The following GALNT13 variants were observed in gnomAD, a reference collection of about 807,000 sequenced individuals.
The protein encoded by GALNT13 is polypeptide N-acetylgalactosaminyltransferase 13, also known as UDP-GalNAc:polypeptide N-acetylgalactosaminyltransferase 13.
A neutral mutation model predicts 64.2 loss-of-function variants in GALNT13; 28 were observed. That is an observed-to-expected ratio of 0.44 (90% CI 0.32 to 0.60). GALNT13 has a LOEUF of 0.60. Ranked by LOEUF, GALNT13 falls within the 20% of genes least tolerant of loss-of-function variation. The pLI, the probability that GALNT13 is intolerant of heterozygous loss-of-function variation, is 0.05. For missense variants in GALNT13, 577 were observed against 669.8 expected, an observed-to-expected ratio of 0.86 and a Z score of 1.53; for synonymous variants, 214 against 224.6, an observed-to-expected ratio of 0.95 and a Z score of 0.42.
the GALNT13 span, among the ~76,000 whole-genome samples, chr2:153,598,239 C>G: frequency 6.6e-6 from 1 of 152,080 alleles, no homozygotes; most frequent in Non-Finnish European, 1.5e-5. Context: ...TTTCTCCAGT[C>G]CCATCTCCTA....
intron 9 of GALNT13, among the ~76,000 whole-genome samples, chr2:154,319,816 G>C (rs1694526413): frequency 6.6e-6 from 1 of 151,954 alleles, no homozygotes; most frequent in South Asian, 2.1e-4. Flanking sequence ...TTTTCATTCA[G>C]TAACATATTT....
the GALNT13 span, among the ~76,000 whole-genome samples, chr2:153,248,246 G>A: frequency 6.6e-6 from 1 of 152,024 alleles, no homozygotes; most frequent in Admixed American, 6.6e-5. Flanking sequence ...AAAACATGGT[G>A]GAGACAGAAC....
intron 4 of GALNT13, among the ~76,000 whole-genome samples, chr2:154,159,742 T>C (rs756744955): frequency 2.0e-5 from 3 of 152,054 alleles, no homozygotes; most frequent in Non-Finnish European, 2.9e-5. Flanking sequence ...AAATTGAAAA[T>C]AGTCTAATGT....
the GALNT13 span, among the ~76,000 whole-genome samples, chr2:153,340,880 C>T: frequency 2.6e-5 from 4 of 152,156 alleles, no homozygotes; most frequent in Admixed American, 2.6e-4. Flanking sequence ...TGATAGAGAA[C>T]ACTGGATCTC....
chr2:153,583,630 C>T, the GALNT13 span, among the ~76,000 whole-genome samples: 1 of 152,082 alleles, frequency 6.6e-6, no homozygotes, highest in African/African-American at 2.4e-5. Flanking sequence ...ATTCACCCTC[C>T]CAAGCTCTCA....
At chr2:153,230,165 C>T in the GALNT13 span, among the ~76,000 whole-genome samples, 29 of 152,174 alleles carry the variant, frequency 1.9e-4, no homozygotes, top group African/African-American at 7.0e-4. Flanking sequence ...ATTTATTCCT[C>T]TGTGCGGAAG....
intron 7 of GALNT13, among the ~76,000 whole-genome samples, chr2:154,253,032 T>C (rs1472958930): frequency 6.6e-6 from 1 of 152,198 alleles, no homozygotes; most frequent in Non-Finnish European, 1.5e-5. Context: ...CAGAGATGTT[T>C]CTCCTTTTTT....
chr2:154,063,968 A>G lies in GALNT13; in HGVS notation c.143-76369A>G, dbSNP rs60056063. Among the ~76,000 whole-genome samples the G allele has an allele frequency of 6.4e-3, 974 of 152,314 alleles. 11 individuals carry two copies. Among genetic ancestry groups the G allele is most frequent in the African/African-American group, 0.022 (914 of 41,568 alleles). ...CTGATATTAACTTCATGCCATTGAA[A>G]GAGGCACAGAAGAGGGTAGGAAAGA... On this transcript the variant is annotated intron_variant, in intron 3 of 12. Coordinates refer to ENST00000392825, the MANE Select transcript of GALNT13 (RefSeq NM_052917.4).
At chr2:154,393,561 T>G (rs539444801) in intron 9 of GALNT13, among the ~76,000 whole-genome samples, 38 of 152,282 alleles carry the variant, frequency 2.5e-4, no homozygotes, top group Non-Finnish European at 1.3e-4. Context: ...CTCACCAAAA[T>G]GTTAAGATAG....
At chr2:153,071,196 C>T in the GALNT13 span, among the ~76,000 whole-genome samples, 7 of 152,132 alleles carry the variant, frequency 4.6e-5, no homozygotes, top group Non-Finnish European at 1.0e-4. Context: ...AGAGAGACTA[C>T]TTTAAAATTT....
chr2:153,963,838 T>G (rs966647267), intron 3 of GALNT13, among the ~76,000 whole-genome samples: 11 of 151,780 alleles, frequency 7.2e-5, no homozygotes, highest in Admixed American at 1.3e-4. Context: ...TTTTTAAAAT[T>G]GGATTGCCTG....
intron 4 of GALNT13, among the ~76,000 whole-genome samples, chr2:154,241,593 C>G (rs1689492958): frequency 1.3e-5 from 2 of 152,166 alleles, no homozygotes; most frequent in Non-Finnish European, 2.9e-5. Flanking sequence ...AGATTTAGAA[C>G]AGAAAAATCT....
chr2:153,754,632 C>T, the GALNT13 span, among the ~76,000 whole-genome samples: 47 of 152,206 alleles, frequency 3.1e-4, no homozygotes, highest in Non-Finnish European at 4.9e-4. Context: ...GAGCTGTGAG[C>T]TGTGCAGCCT....
chr2:153,433,759 T>C, the GALNT13 span, among the ~76,000 whole-genome samples: 1 of 152,160 alleles, frequency 6.6e-6, no homozygotes, highest in African/African-American at 2.4e-5. Flanking sequence ...TTTAACATCA[T>C]TAAATCCGAA....
At chr2:153,553,349 A>T in the GALNT13 span, among the ~76,000 whole-genome samples, 4 of 148,426 alleles carry the variant, frequency 2.7e-5, no homozygotes, top group African/African-American at 1.0e-4. Flanking sequence ...AAAAAAAAAT[A>T]GCTGAGTGTG....
chr2:154,335,028 G>T (rs893451572), intron 9 of GALNT13, among the ~76,000 whole-genome samples: 1 of 151,956 alleles, frequency 6.6e-6, no homozygotes, highest in Non-Finnish European at 1.5e-5. Flanking sequence ...CTTATGCTCA[G>T]CATAAAAGTC....
Position 154,245,879 on chromosome 2 carries a change from G to T in GALNT13, c.754G>T (p.Asp252Tyr). The change falls in exon 7 of 13, where the codon GAC becomes TAC. Residue 252 changes from aspartate to tyrosine, a missense_variant. Asp to Tyr is a radical substitution (Grantham distance 160). Transcript: ENST00000392825. Reference sequence around the variant, plus strand: ...TACTTTTGAATATATGGCTGGGTCAGACATGACTTATGGGGGTTTTAACTG... The same window carrying T: ...TACTTTTGAATATATGGCTGGGTCATACATGACTTATGGGGGTTTTAACTG... ...DDTFEYMAGSDMTYGGFNWKL... is the reference protein window; with the variant it reads ...DDTFEYMAGSYMTYGGFNWKL... 1.2e-6 allele frequency: 2 copies of T among 1,613,058 alleles called. No individual in the cohort carries two copies. Among genetic ancestry groups the T allele is most frequent in the Non-Finnish European group, 1.7e-6 (2 of 1,179,214 alleles).
chr2:153,793,531 A>G, the GALNT13 span, among the ~76,000 whole-genome samples: 1 of 152,020 alleles, frequency 6.6e-6, no homozygotes, highest in Non-Finnish European at 1.5e-5. Context: ...AAACTATATT[A>G]TTTCATATTG....
At chr2:153,244,807 G>C in the GALNT13 span, among the ~76,000 whole-genome samples, 2 of 152,210 alleles carry the variant, frequency 1.3e-5, no homozygotes, top group Admixed American at 6.5e-5. Flanking sequence ...AAAGGGAGCT[G>C]AAGCCAGGGA....
Sources: gnomAD v4.1 joint callset for allele counts (sites outside exome capture counted in the v4.1 genomes callset) on GRCh38, gnomAD v4.1.1 for gene constraint, MANE v1.5 for transcripts, NCBI Gene and HGNC (gene_info 2026-07-23, HGNC 2026-07-21) for gene names.